PTK2: variants seen among roughly 807,000 people sequenced by gnomAD.
PTK2 encodes the protein focal adhesion kinase 1.
In PTK2, 45 loss-of-function variants were observed where a neutral mutation model predicts 150.1. That is an observed-to-expected ratio of 0.30 (90% CI 0.24 to 0.38). The LOEUF (loss-of-function observed/expected upper bound fraction) is 0.38, where lower values mean the gene tolerates loss of function less well. Among genes scored for constraint, PTK2 ranks in the 10% least tolerant of loss-of-function variants. PTK2 has a pLI of 1.00. For missense variants in PTK2, 919 were observed against 1,307.3 expected (o/e 0.70, Z 4.58); for synonymous variants, 432 against 449.2 (o/e 0.96, Z 0.48).
intron 26 of PTK2, among the ~76,000 whole-genome samples, chr8:140,691,197 G>A (rs73714732): frequency 1.6e-4 from 24 of 147,488 alleles, no homozygotes; most frequent in Admixed American, 1.3e-3. Context: ...AGATGGTTGG[G>A]GGTGGGGGGT....
chr8:140,934,112 T>C (rs1382525656), intron 1 of PTK2, among the ~76,000 whole-genome samples: 1 of 152,150 alleles, frequency 6.6e-6, no homozygotes, highest in Non-Finnish European at 1.5e-5. Context: ...AATTCCTAAA[T>C]GAACTATAAA....
chr8:140,745,646 G>C (rs1339804802), intron 18 of PTK2, among the ~76,000 whole-genome samples: 1 of 152,138 alleles, frequency 6.6e-6, no homozygotes, highest in Admixed American at 6.5e-5. Flanking sequence ...GTGATGCACT[G>C]ATTTGTTTCT....
intron 4 of PTK2, among the ~76,000 whole-genome samples, chr8:140,869,873 C>G (rs1286409190): frequency 6.7e-6 from 1 of 149,678 alleles, no homozygotes; most frequent in African/African-American, 2.5e-5. Context: ...GACAGAATTA[C>G]TAAAAAAAAA....
At chr8:140,776,322 T>C (rs117081804) in intron 14 of PTK2, among the ~76,000 whole-genome samples, 3,605 of 152,344 alleles carry the variant, frequency 0.024, 57 homozygotes, top group Non-Finnish European at 0.037. Context: ...ATTATTTTAA[T>C]GCCAATTTTT....
At chr8:140,748,222 G>A (rs985763199) in intron 17 of PTK2, among the ~76,000 whole-genome samples, 4 of 152,140 alleles carry the variant, frequency 2.6e-5, no homozygotes, top group Non-Finnish European at 4.4e-5. Flanking sequence ...TACTGGGCAT[G>A]GTGGCTCACG....
At chr8:140,987,128 T>C (rs900603314) in intron 1 of PTK2, among the ~76,000 whole-genome samples, 3 of 152,126 alleles carry the variant, frequency 2.0e-5, no homozygotes, top group Admixed American at 1.3e-4. Context: ...ACAATTTATA[T>C]CCAGAACATA....
chr8:140,678,701 C>G (rs374802970), intron 27 of PTK2, among the ~76,000 whole-genome samples: 2 of 152,076 alleles, frequency 1.3e-5, no homozygotes, highest in East Asian at 1.9e-4. Context: ...AGAAAGTGAT[C>G]CCTGAAAGGG....
chr8:140,808,924 G>A (rs2100099787), intron 10 of PTK2, among the ~76,000 whole-genome samples: 1 of 151,802 alleles, frequency 6.6e-6, no homozygotes. Flanking sequence ...GTAGAGACGG[G>A]GTTTTGCCAT....
upstream of PTK2, among the ~76,000 whole-genome samples, chr8:141,001,722 A>G (rs2154610610): frequency 6.6e-6 from 1 of 152,124 alleles, no homozygotes; most frequent in South Asian, 2.1e-4. Flanking sequence ...CCCCGCCCCC[A>G]GAGTTGGACG....
intron 8 of PTK2, among the ~76,000 whole-genome samples, chr8:140,828,091 GGGA>G (rs1410586046): frequency 1.3e-5 from 2 of 151,800 alleles, no homozygotes; most frequent in East Asian, 1.9e-4. Context: ...TGCTTGAACC[GGGA>G]GGAGGAGGTT....
intron 1 of PTK2, among the ~76,000 whole-genome samples, chr8:140,999,007 CTCACAATT>C (rs1342252478): frequency 6.6e-6 from 1 of 152,138 alleles, no homozygotes; most frequent in African/African-American, 2.4e-5. Context: ...TCACTGCCTC[CTCACAATT>C]TCACTGCTGG....
intron 14 of PTK2, 24 bp downstream of exon 14, chr8:140,789,450 G>A (rs2100087068): frequency 1.2e-6 from 2 of 1,609,864 alleles, no homozygotes; most frequent in Non-Finnish European, 8.5e-7. Context: ...TGCTTTTCGA[G>A]GTCTGCTACC....
At chr8:140,927,940 GAAAAAAAAAAAAAAAAAGAAAAA>G (rs1232286111) in intron 1 of PTK2, among the ~76,000 whole-genome samples, 1 of 36,274 alleles carries the variant, frequency 2.8e-5, no homozygotes, top group African/African-American at 1.1e-4. Flanking sequence ...ATCTCAAAAA[GAAAAAAAAAAAAAAAAAGAAAAA>G]AAAAAAAAAA....
intron 23 of PTK2, among the ~76,000 whole-genome samples, chr8:140,712,949 T>G (rs1341600576): frequency 6.6e-6 from 1 of 152,224 alleles, no homozygotes; most frequent in East Asian, 1.9e-4. Context: ...GTCTGCCAGC[T>G]GTTCTTTCAA....
At chr8:140,671,523 T>C (rs2095409128) in intron 29 of PTK2, among the ~76,000 whole-genome samples, 1 of 152,142 alleles carries the variant, frequency 6.6e-6, no homozygotes, top group Non-Finnish European at 1.5e-5. Context: ...CCTAGCTGCA[T>C]TGCAGTATTA....
intron 13 of PTK2, among the ~76,000 whole-genome samples, chr8:140,793,141 C>T (rs1257764898): frequency 6.6e-6 from 1 of 152,132 alleles, no homozygotes; most frequent in African/African-American, 2.4e-5. Flanking sequence ...TTAGCTCCCC[C>T]ATAGAACTTA....
At chr8:140,940,216 G>A (rs2154608814) in intron 1 of PTK2, among the ~76,000 whole-genome samples, 1 of 152,304 alleles carries the variant, frequency 6.6e-6, no homozygotes, top group Admixed American at 6.5e-5. Context: ...ACAACATCCT[G>A]TACATCAGGA....
At chr8:140,780,558 C>A (rs1009399038) in intron 14 of PTK2, among the ~76,000 whole-genome samples, 1 of 152,290 alleles carries the variant, frequency 6.6e-6, no homozygotes, top group African/African-American at 2.4e-5. Context: ...ACAAGGGACA[C>A]AATTTCTTCA....
rs748659263 is a variant in PTK2 at position 140,766,277 on chromosome 8, G to A, written c.1178-1987C>T. Reference sequence around the variant, plus strand: ...GAAGCCCAAGTCTATCAGGTGACAGGTGTCTACTGCCTTAATGAAGAAGGG... The same window carrying A: ...GAAGCCCAAGTCTATCAGGTGACAGATGTCTACTGCCTTAATGAAGAAGGG... On this transcript the variant is annotated intron_variant, in intron 14 of 31. Coordinates refer to ENST00000522684, the Ensembl canonical transcript of PTK2. 1.6e-4 allele frequency among the ~76,000 whole-genome samples: 25 copies of A among 152,164 alleles called. 1 individual carries two copies. Among genetic ancestry groups the A allele is most frequent in the Middle Eastern group, 6.3e-3 (2 of 316 alleles).
Sources: allele counts gnomAD v4.1 joint callset (sites outside exome capture counted in the v4.1 genomes callset), GRCh38; gene constraint gnomAD v4.1.1; transcripts MANE v1.5; gene names NCBI Gene and HGNC (gene_info 2026-07-23, HGNC 2026-07-21).